The following RAD51B variants were observed in gnomAD, a reference collection of about 807,000 sequenced individuals.
The protein encoded by RAD51B is RAD51 paralog B.
A neutral mutation model predicts 42.2 loss-of-function variants in RAD51B; 38 were observed. The observed-to-expected ratio is 0.90, with a 90% CI of 0.70 to 1.18. The LOEUF (loss-of-function observed/expected upper bound fraction) is 1.18, where lower values mean the gene tolerates loss of function less well. Among genes scored for constraint, RAD51B ranks in the 50% most tolerant of loss-of-function variants. RAD51B has a pLI of 0.00. For missense variants in RAD51B, 373 were observed against 400.7 expected (o/e 0.93, Z 0.59); for synonymous variants, 154 against 145.2 (o/e 1.06, Z -0.43).
At position 67,823,803 on chromosome 14, in the gene RAD51B, T is replaced by G. The variant is rs8006089; in HGVS notation, c.84+176T>G. The stretch of plus-strand genomic sequence containing the variant: ...CCTCCTTGGGTGCATTTCCAACTGC[T>G]ATTTCATTTACCCAAATTTAGTATT... On this transcript the variant is annotated intron_variant, in intron 2 of 10. Transcript: ENST00000471583. Among the ~76,000 whole-genome samples the G allele has an allele frequency of 0.36, 55,273 of 152,096 alleles. 10,655 individuals carry two copies. The highest frequency in any genetic ancestry group is 0.47 in the Middle Eastern group (139 of 294).
chr14:68,495,124 C>G, intron 10 of RAD51B, among the ~76,000 whole-genome samples: 1 of 152,158 alleles, frequency 6.6e-6, no homozygotes. Context: ...GACTGTCTAC[C>G]AGGAACCATC....
At chr14:68,594,973 G>A (rs1890930684) in exon 11 of RAD51B, 4 of 1,076,952 alleles carry the variant, frequency 3.7e-6, no homozygotes, top group Non-Finnish European at 4.5e-6. Context: ...GCCACCCACT[G>A]TGGCAGCTTG....
chr14:68,372,385 C>T (rs928886633), intron 8 of RAD51B, among the ~76,000 whole-genome samples: 2 of 151,372 alleles, frequency 1.3e-5, no homozygotes, highest in African/African-American at 2.4e-5. Context: ...TTTTTTATTT[C>T]GCATTTTGAT....
chr14:68,031,130 T>C (rs533725072), intron 7 of RAD51B, among the ~76,000 whole-genome samples: 1 of 152,318 alleles, frequency 6.6e-6, no homozygotes, highest in East Asian at 1.9e-4. Flanking sequence ...AAGAGGTTTA[T>C]TGGACTTACA....
At position 68,143,019 on chromosome 14, in the gene RAD51B, G is replaced by T. The variant is rs572493075; in HGVS notation, c.757-148865G>T. Among the ~76,000 whole-genome samples, 454 of 150,374 alleles carry T rather than the reference G, an allele frequency of 3.0e-3. 2 individuals are homozygous for T. The highest frequency in any genetic ancestry group is 0.011 in the African/African-American group (433 of 40,226). ...AAAAAAAGGCGCGGAGGGCGAGGGG[G>T]TGGGGGGGGAGTTATTATGCTGTCT... On this transcript the variant is annotated intron_variant, in intron 7 of 10. Coordinates refer to ENST00000471583, the MANE Select transcript of RAD51B (RefSeq NM_133510.4).
At chr14:68,625,976 A>G (rs1485679697) in intron 10 of RAD51B, among the ~76,000 whole-genome samples, 3 of 152,228 alleles carry the variant, frequency 2.0e-5, no homozygotes, top group Non-Finnish European at 2.9e-5. Context: ...GGGTGGGCCC[A>G]AATAGCATGT....
At chr14:68,301,592 G>GTTTTTTTTTT (rs139865933) in intron 8 of RAD51B, among the ~76,000 whole-genome samples, 1 of 109,778 alleles carries the variant, frequency 9.1e-6, no homozygotes, top group Non-Finnish European at 1.9e-5. Flanking sequence ...TTGTTTGTGT[G>GTTTTTTTTTT]TTTTTTTTTT....
chr14:68,265,126 G>A (rs2080965099), intron 7 of RAD51B, among the ~76,000 whole-genome samples: 2 of 152,174 alleles, frequency 1.3e-5, no homozygotes. Flanking sequence ...TTACCTTGAT[G>A]TCTGGAGTGA....
At chr14:68,397,792 G>C (rs963119748) in intron 8 of RAD51B, among the ~76,000 whole-genome samples, 2 of 152,214 alleles carry the variant, frequency 1.3e-5, no homozygotes, top group Non-Finnish European at 2.9e-5. Context: ...TCTGCAGCCA[G>C]AGTGAATTTA....
At chr14:68,671,127 G>A (rs1893147924) in intron 11 of RAD51B, among the ~76,000 whole-genome samples, 1 of 152,206 alleles carries the variant, frequency 6.6e-6, no homozygotes, top group Non-Finnish European at 1.5e-5. Flanking sequence ...GGGAAAGCCA[G>A]TTTGGACTGT....
At chr14:68,303,899 G>T (rs1264219876) in intron 8 of RAD51B, among the ~76,000 whole-genome samples, 1 of 152,214 alleles carries the variant, frequency 6.6e-6, no homozygotes, top group Non-Finnish European at 1.5e-5. Context: ...GCTCTGTGTG[G>T]TGGCTCATAC....
At chr14:68,321,616 A>AAGG (rs2082158275) in intron 8 of RAD51B, among the ~76,000 whole-genome samples, 1 of 152,222 alleles carries the variant, frequency 6.6e-6, no homozygotes, top group Non-Finnish European at 1.5e-5. Flanking sequence ...GAGGCAGCAC[A>AAGG]AGGGTAGACC....
intron 7 of RAD51B, among the ~76,000 whole-genome samples, chr14:68,002,808 T>A (rs548177678): frequency 6.6e-6 from 1 of 152,372 alleles, no homozygotes; most frequent in African/African-American, 2.4e-5. Flanking sequence ...TGCTTGTTTT[T>A]GTCAGATTTC....
At chr14:67,930,809 G>A (rs577555571) in intron 7 of RAD51B, among the ~76,000 whole-genome samples, 68 of 151,800 alleles carry the variant, frequency 4.5e-4, no homozygotes, top group Non-Finnish European at 7.4e-4. Flanking sequence ...TGAGGATACT[G>A]ATAATTTATA....
chr14:68,408,017 G>A (rs1255210784), intron 8 of RAD51B, among the ~76,000 whole-genome samples: 4 of 152,158 alleles, frequency 2.6e-5, no homozygotes, highest in Non-Finnish European at 4.4e-5. Context: ...GCTTGGAGGA[G>A]GTTAATCAGG....
At chr14:68,159,448 T>C (rs2254173) in intron 7 of RAD51B, among the ~76,000 whole-genome samples, 124,610 of 151,814 alleles carry the variant, frequency 0.82, 51,371 homozygotes, top group East Asian at 0.98. Context: ...GGTGAAACCC[T>C]GTCTCTACTA....
chr14:68,515,413 A>G (rs1366401160), intron 10 of RAD51B, among the ~76,000 whole-genome samples: 1 of 149,482 alleles, frequency 6.7e-6, no homozygotes, highest in East Asian at 2.0e-4. Flanking sequence ...ATGGACCAAT[A>G]ATTTCTTTTC....
intron 10 of RAD51B, among the ~76,000 whole-genome samples, chr14:68,589,886 C>T (rs1313348383): frequency 6.6e-6 from 1 of 152,154 alleles, no homozygotes; most frequent in Non-Finnish European, 1.5e-5. Flanking sequence ...TTCATTAGCT[C>T]ATCAAGCTGG....
rs1265430622 is a variant in RAD51B, at chr14:68,187,373, GA to G, written c.757-104501del. On this transcript the variant is annotated intron_variant, in intron 7 of 10. Coordinates refer to ENST00000471583, the MANE Select transcript of RAD51B (RefSeq NM_133510.4). The stretch of plus-strand genomic sequence containing the variant: ...TGAATCTAAAATAAAAGTTGAAAAA[GA>G]AAAAAAAAAGAACTATCCCTTTGGG... Among the ~76,000 whole-genome samples, 34 of 146,140 alleles carry G rather than the reference GA, an allele frequency of 2.3e-4. 1 individual carries two copies. The East Asian group carries it at 6.2e-3, about 26-fold the overall frequency.
Sources: gnomAD v4.1 joint callset for allele counts (sites outside exome capture counted in the v4.1 genomes callset) on GRCh38, gnomAD v4.1.1 for gene constraint, MANE v1.5 for transcripts, NCBI Gene and HGNC (gene_info 2026-07-23, HGNC 2026-07-21) for gene names.